Variants in KLHL10 observed in about 807,000 individuals in gnomAD.
KLHL10 encodes kelch like family member 10.
In KLHL10, 11 loss-of-function variants were observed where a neutral mutation model predicts 46.6. The observed-to-expected ratio is 0.24, with a 90% CI of 0.15 to 0.39. The LOEUF (loss-of-function observed/expected upper bound fraction) is 0.39. KLHL10 is among the 10% of genes least tolerant of loss of function. The probability of loss-of-function intolerance (pLI) is 1.00; values close to 1 mark genes in which losing one functional copy is unlikely to be tolerated. For missense variants in KLHL10, 475 were observed against 789.8 expected, an observed-to-expected ratio of 0.60 and a Z score of 4.78; for synonymous variants, 254 against 279.1, an observed-to-expected ratio of 0.91 and a Z score of 0.90.
intron 1 of KLHL10, among the ~76,000 whole-genome samples, chr17:41,839,002 CTTTTT>C (rs1247740355): frequency 6.6e-6 from 1 of 150,608 alleles, no homozygotes; most frequent in East Asian, 2.0e-4. Context: ...TACAATTTTT[CTTTTT>C]TTAAGATGGA....
chr17:41,844,333 C>A (rs1395816194), intron 2 of KLHL10, among the ~76,000 whole-genome samples: 1 of 151,184 alleles, frequency 6.6e-6, no homozygotes, highest in Non-Finnish European at 1.5e-5. Context: ...CCAGTTCAAG[C>A]GAGTCTCCTG....
chr17:41,839,263 T>C (rs1043983735), intron 1 of KLHL10, among the ~76,000 whole-genome samples: 1 of 152,240 alleles, frequency 6.6e-6, no homozygotes, highest in Non-Finnish European at 1.5e-5. Context: ...GTGCTGGGAT[T>C]ACAGGCATGA....
At chr17:41,847,179 G>A (rs2048298085) in intron 3 of KLHL10, 82 bp from the exon 4 acceptor site, 5 of 1,210,928 alleles carry the variant, frequency 4.1e-6, no homozygotes, top group Non-Finnish European at 6.1e-6. Flanking sequence ...CTGGAATTAA[G>A]TGCCCACTAC....
upstream of KLHL10, chr17:41,836,404 A>T: frequency 8.2e-7 from 1 of 1,223,252 alleles, no homozygotes; most frequent in Admixed American, 4.3e-5. Flanking sequence ...GGTTCTATTT[A>T]TTATGAAGAG....
chr17:41,842,219 C>T lies in KLHL10; in HGVS notation c.591C>T (p.Val197=), dbSNP rs1250081977. 2 of 1,614,030 alleles carry T rather than the reference C, an allele frequency of 1.2e-6. No individual in the cohort carries two copies. The highest frequency in any genetic ancestry group is 1.7e-6 in the Non-Finnish European group (2 of 1,180,038). The stretch of plus-strand genomic sequence containing the variant: ...TCATTGAGAAAGATGAGCTCAATGT[C>T]AAACAGGAAGATGCTGTATTTGAGG... ...KDIIEKDELN[V]KQEDAVFEAI... is the part of the protein sequence containing the mutation. The change falls in exon 2 of 5, where the codon GTC becomes GTT. Residue 197 remains valine (V), a synonymous_variant. Transcript: ENST00000293303.
upstream of KLHL10, among the ~76,000 whole-genome samples, chr17:41,836,869 T>C (rs1167392438): frequency 1.3e-5 from 2 of 151,742 alleles, no homozygotes; most frequent in Admixed American, 1.3e-4. Context: ...GGAGGAGAGA[T>C]GAAGGAGCCA....
intron 1 of KLHL10, among the ~76,000 whole-genome samples, chr17:41,838,697 C>CT (rs1361900094): frequency 3.2e-3 from 209 of 65,726 alleles, no homozygotes; most frequent in South Asian, 8.6e-3. Flanking sequence ...TGATTTTTGT[C>CT]TTTTTTTTTT....
chr17:41,846,979 G>A (rs1318192516), intron 3 of KLHL10, among the ~76,000 whole-genome samples: 1 of 152,148 alleles, frequency 6.6e-6, no homozygotes, highest in African/African-American at 2.4e-5. Context: ...GCGGAGCGTG[G>A]CAGTGTGCGC....
At position 41,837,960 on chromosome 17, in the gene KLHL10, A is replaced by T. The variant is rs1555620348; in HGVS notation, c.28A>T (p.Thr10Ser). The change falls in exon 1 of 5, where the codon ACA becomes TCA. Residue 10 changes from threonine to serine, a missense_variant. Thr to Ser is a moderately conservative substitution (Grantham distance 58, BLOSUM62 1). Coordinates refer to ENST00000293303, the MANE Select transcript of KLHL10 (RefSeq NM_152467.5). ...GGAGATGGAGAGCGCGGCGGCCTCC[A>T]CACGTTTCCACCAGCCTCACATGGA... The part of the protein sequence containing the change: MEMESAAAS[T>S]RFHQPHMERK... The T allele has an allele frequency of 6.2e-7, 1 of 1,614,098 alleles. No individual in the cohort carries two copies. The highest frequency in any genetic ancestry group is 2.2e-5 in the East Asian group (1 of 44,870).
At chr17:41,844,026 G>GC (rs1555621002) in intron 2 of KLHL10, among the ~76,000 whole-genome samples, 1 of 151,806 alleles carries the variant, frequency 6.6e-6, no homozygotes, top group African/African-American at 2.4e-5. Context: ...CTCCCAAAGT[G>GC]CTGGGATTAC....
chr17:41,847,126 C>A (rs2048297255), intron 3 of KLHL10, 135 bp from the exon 4 acceptor site: 2 of 758,652 alleles, frequency 2.6e-6, no homozygotes, highest in Non-Finnish European at 4.6e-6. Flanking sequence ...AAATAAAAAG[C>A]AATGCATGCA....
At chr17:41,845,793 A>G in intron 3 of KLHL10, 50 bp downstream of exon 3, 1 of 1,611,466 alleles carries the variant, frequency 6.2e-7, no homozygotes, top group Non-Finnish European at 8.5e-7. Flanking sequence ...GTACAAGACC[A>G]GAAATGATAC....
intron 2 of KLHL10, 132 bp downstream of exon 2, chr17:41,842,444 C>T (rs782229470): frequency 1.7e-4 from 195 of 1,143,190 alleles, no homozygotes; most frequent in Non-Finnish European, 2.4e-4. Context: ...TGGAATTTTG[C>T]AACTGTCTTT....
intron 1 of KLHL10, among the ~76,000 whole-genome samples, chr17:41,839,360 C>T (rs578203305): frequency 5.9e-5 from 9 of 152,302 alleles, no homozygotes; most frequent in Non-Finnish European, 1.3e-4. Context: ...CTTTGATTCT[C>T]ACCCAAACCA....
intron 1 of KLHL10, among the ~76,000 whole-genome samples, chr17:41,838,631 C>A (rs1242052139): frequency 6.5e-5 from 3 of 45,882 alleles, no homozygotes; most frequent in Non-Finnish European, 1.3e-4. Context: ...CCTTTTTTCT[C>A]TCTTTTTTTT....
Position 41,845,891 on chromosome 17 carries a change from G to C in KLHL10, c.1302+148G>C, listed in dbSNP as rs1367573201. On this transcript the variant is annotated intron_variant, in intron 3 of 4. Coordinates refer to ENST00000293303, the MANE Select transcript of KLHL10 (RefSeq NM_152467.5). ...TCTTCAATTGACAAGGTGACTAGTT[G>C]CAACTGTCTTTTATGTTGTTTATTG... 1.2e-5 allele frequency: 12 copies of C among 1,036,950 alleles called. No individual in the cohort carries two copies. The South Asian group carries it at 1.7e-4, about 15-fold the overall frequency. 64.2% of individuals were successfully genotyped at this position (1,036,950 alleles called of 1,614,324 possible).
chr17:41,845,568 G>A lies in KLHL10; in HGVS notation c.1127G>A (p.Arg376His), dbSNP rs2048275767. The A allele has an allele frequency of 2.5e-6, 4 of 1,614,196 alleles. No homozygotes were observed. The highest frequency in any genetic ancestry group is 1.7e-6 in the Non-Finnish European group (2 of 1,180,034). Residue 376 changes from arginine to histidine, a missense_variant, in exon 3 of 5, where the codon CGT becomes CAT. Arg to His is a conservative substitution (Grantham distance 29). Transcript: ENST00000293303. ...CAGGTGGCCCCGATGCACTCCAGAC[G>A]TTGCTATGTCAGTGTGACAGTCCTC... ...WHQVAPMHSR[R>H]CYVSVTVLGN...
intron 1 of KLHL10, among the ~76,000 whole-genome samples, chr17:41,840,965 C>T (rs118092063): frequency 0.084 from 12,726 of 151,862 alleles, 741 homozygotes; most frequent in Non-Finnish European, 0.12. Flanking sequence ...ATGGTGAAAT[C>T]GCATCTCTAC....
intron 3 of KLHL10, among the ~76,000 whole-genome samples, chr17:41,846,857 G>A (rs183408429): frequency 3.9e-4 from 59 of 152,308 alleles, no homozygotes; most frequent in African/African-American, 1.4e-3. Flanking sequence ...TATCATGCCT[G>A]TAATCCTAGC....
Sources: allele counts gnomAD v4.1 joint callset (sites outside exome capture counted in the v4.1 genomes callset), GRCh38; gene constraint gnomAD v4.1.1; transcripts MANE v1.5; gene names NCBI Gene and HGNC (gene_info 2026-07-23, HGNC 2026-07-21).